Variants in SNAP47 observed in about 807,000 individuals in gnomAD.
The protein encoded by SNAP47 is synaptosome associated protein 47, also known as synaptosomal-associated protein 47.
SNAP47 carries 20 observed loss-of-function variants against 31.4 expected under a neutral mutation model. The observed-to-expected ratio is 0.64, with a 90% CI of 0.45 to 0.93. The LOEUF (loss-of-function observed/expected upper bound fraction) is 0.93, where lower values mean the gene tolerates loss of function less well. Among genes scored for constraint, SNAP47 ranks in the 40% least tolerant of loss-of-function variants. The pLI is 0.00. For missense variants in SNAP47, 492 were observed against 528.5 expected (o/e 0.93, Z 0.68); for synonymous variants, 194 against 213.4 (o/e 0.91, Z 0.79).
chr1:227,753,459 T>A (rs1662503680), intron 2 of SNAP47, among the ~76,000 whole-genome samples: 1 of 152,120 alleles, frequency 6.6e-6, no homozygotes, highest in Admixed American at 6.5e-5. Context: ...TACACATATG[T>A]CCCCTGTGGT....
intron 1 of SNAP47, chr1:227,736,405 CA>C: frequency 6.6e-6 from 1 of 151,398 alleles, no homozygotes; most frequent in Admixed American, 6.6e-5. Context: ...GGAGTTACCC[CA>C]AAAGTGGCGG....
At position 227,735,440 on chromosome 1, in the gene SNAP47, G is replaced by T. The variant is rs747855534; in HGVS notation, c.-105G>T. Reference sequence around the variant, plus strand: ...CGCGGCTCGCCGCGGTCTTCACTGCGCAGGCGCCGAGCGGCCGAGGCGCCG... The same window carrying T: ...CGCGGCTCGCCGCGGTCTTCACTGCTCAGGCGCCGAGCGGCCGAGGCGCCG... On this transcript the variant is annotated 5_prime_UTR_variant, in exon 1 of 5. Coordinates refer to ENST00000617596, the MANE Select transcript of SNAP47 (RefSeq NM_053052.4). 6.8e-7 allele frequency: 1 copy of T among 1,470,568 alleles called. No homozygotes were observed. The highest frequency in any genetic ancestry group is 2.6e-5 in the East Asian group (1 of 38,536). 91.1% of individuals were successfully genotyped at this position (1,470,568 alleles called of 1,614,324 possible).
At chr1:227,754,182 A>G (rs1553281627) in intron 2 of SNAP47, among the ~76,000 whole-genome samples, 1 of 152,214 alleles carries the variant, frequency 6.6e-6, no homozygotes, top group South Asian at 2.1e-4. Context: ...CTCTCCTCCA[A>G]CTGCCCCAGC....
At chr1:227,742,424 A>G (rs181275334) in intron 1 of SNAP47, among the ~76,000 whole-genome samples, 5 of 152,302 alleles carry the variant, frequency 3.3e-5, no homozygotes, top group African/African-American at 1.2e-4. Flanking sequence ...GAAAGATTTT[A>G]GAGCTGGTGA....
In SNAP47 at chr1:227,774,586, C is replaced by T. The variant is rs560011326; in HGVS notation, c.1114-5941C>T. ...AGGTGAGAGGCAAGGGGGACCGGGC[C>T]GCAGCGCGCAGGGCAGAGCATGAGG... is the stretch of plus-strand genomic sequence containing the variant. On this transcript the variant is annotated intron_variant, in intron 4 of 4. Transcript: ENST00000617596. Among the ~76,000 whole-genome samples the T allele has an allele frequency of 2.0e-5, 3 of 152,148 alleles. No individual in the cohort carries two copies. In the South Asian group the frequency reaches 6.2e-4, roughly 32 times the overall value.
At chr1:227,775,243 TC>T (rs1326080666) in intron 4 of SNAP47, among the ~76,000 whole-genome samples, 2 of 152,284 alleles carry the variant, frequency 1.3e-5, no homozygotes, top group East Asian at 3.9e-4. Flanking sequence ...GAGCCAATTT[TC>T]CCCCTTTACA....
At chr1:227,733,780 T>C (rs1266116854), upstream of SNAP47, 1 of 1,585,396 alleles carries the variant, frequency 6.3e-7, no homozygotes, top group Non-Finnish European at 8.5e-7. Context: ...GGGTGGCCCC[T>C]TGGTCTCAAG....
intron 4 of SNAP47, among the ~76,000 whole-genome samples, chr1:227,775,197 G>A (rs1664081703): frequency 1.3e-5 from 2 of 152,254 alleles, no homozygotes; most frequent in Non-Finnish European, 2.9e-5. Flanking sequence ...GCAGCAGAGA[G>A]TGTTCTTTAC....
chr1:227,733,946 T>A, upstream of SNAP47: 1 of 1,613,862 alleles, frequency 6.2e-7, no homozygotes, highest in East Asian at 2.2e-5. Flanking sequence ...GCGGTAGTCA[T>A]CCACATCCAG....
Position 227,780,815 on chromosome 1 carries a change from C to G in SNAP47, c.*142C>G. On this transcript the variant is annotated 3_prime_UTR_variant, in exon 5 of 5. Coordinates refer to ENST00000617596, the MANE Select transcript of SNAP47 (RefSeq NM_053052.4). ...TGGGGCTGCTACTGTGGGGCTGCTTCTGCACCAGGGGCCTCCCCAGGTGTG... is the reference window on the plus strand; with the variant it reads ...TGGGGCTGCTACTGTGGGGCTGCTTGTGCACCAGGGGCCTCCCCAGGTGTG... 8.2e-7 allele frequency: 1 copy of G among 1,222,148 alleles called. No homozygotes were observed. Among genetic ancestry groups the G allele is most frequent in the Non-Finnish European group, 1.1e-6 (1 of 893,426 alleles). 75.7% of individuals were successfully genotyped at this position (1,222,148 alleles called of 1,614,324 possible).
At chr1:227,759,955 C>T (rs1662957506) in intron 3 of SNAP47, among the ~76,000 whole-genome samples, 1 of 152,128 alleles carries the variant, frequency 6.6e-6, no homozygotes, top group African/African-American at 2.4e-5. Context: ...GGCAGGATGC[C>T]CCTCTGATTC....
intron 2 of SNAP47, among the ~76,000 whole-genome samples, chr1:227,753,088 A>G (rs1297364071): frequency 1.3e-5 from 2 of 152,244 alleles, no homozygotes; most frequent in African/African-American, 4.8e-5. Context: ...ATTGTGTTCA[A>G]GTAAACAAGC....
upstream of SNAP47, chr1:227,732,306 C>T (rs969071440): frequency 1.9e-5 from 28 of 1,497,434 alleles, no homozygotes; most frequent in Middle Eastern, 2.4e-4. Flanking sequence ...CCCCAGGTCA[C>T]AGGGAGGGCG....
In SNAP47 at chr1:227,759,498, C is replaced by T. The variant is rs773176616; in HGVS notation, c.988+13C>T. 22 of 1,611,716 alleles carry T rather than the reference C, an allele frequency of 1.4e-5. No individual in the cohort carries two copies. Among genetic ancestry groups the T allele is most frequent in the Non-Finnish European group, 1.8e-5 (21 of 1,178,474 alleles). On this transcript the variant is annotated intron_variant, in intron 3 of 4. Coordinates refer to ENST00000617596, the MANE Select transcript of SNAP47 (RefSeq NM_053052.4). The stretch of plus-strand genomic sequence containing the variant: ...GTCTGGCATGCAGGTTAGTGACCGA[C>T]AAGGCAGTGAGCGCGTGCACAGACT...
At chr1:227,773,953 T>C (rs530660328) in intron 4 of SNAP47, among the ~76,000 whole-genome samples, 3 of 152,390 alleles carry the variant, frequency 2.0e-5, no homozygotes, top group African/African-American at 7.2e-5. Context: ...AATAATTTAC[T>C]AATTTCCCTT....
upstream of SNAP47, chr1:227,734,688 TG>T (rs1457606107): frequency 6.2e-7 from 1 of 1,614,128 alleles, no homozygotes; most frequent in South Asian, 1.1e-5. Context: ...AGACAGCCCC[TG>T]GGAGAGGAGT....
upstream of SNAP47, chr1:227,733,912 G>A (rs2102865537): frequency 6.2e-7 from 1 of 1,613,590 alleles, no homozygotes; most frequent in East Asian, 2.2e-5. Flanking sequence ...CTCACCAGCT[G>A]CCCGCAGGCC....
At chr1:227,738,182 C>T (rs1044524720) in intron 1 of SNAP47, among the ~76,000 whole-genome samples, 2 of 152,154 alleles carry the variant, frequency 1.3e-5, no homozygotes, top group East Asian at 1.9e-4. Flanking sequence ...GCGAAGATTA[C>T]AGGCGCGCAC....
intron 1 of SNAP47, 49 bp downstream of exon 1, chr1:227,735,548 A>G (rs780659923): frequency 5.6e-5 from 76 of 1,358,446 alleles, no homozygotes; most frequent in Non-Finnish European, 6.8e-5. Flanking sequence ...GCCAAGCCGT[A>G]GCGTCCGCCC....
Sources: allele counts gnomAD v4.1 joint callset (sites outside exome capture counted in the v4.1 genomes callset), GRCh38; gene constraint gnomAD v4.1.1; transcripts MANE v1.5; gene names NCBI Gene and HGNC (gene_info 2026-07-23, HGNC 2026-07-21).